PITPNM3: variants seen among roughly 807,000 people sequenced by gnomAD.
PITPNM3 encodes the protein membrane-associated phosphatidylinositol transfer protein 3.
PITPNM3 carries 26 observed loss-of-function variants against 102.0 expected under a neutral mutation model. That is an observed-to-expected ratio of 0.25 (90% CI 0.19 to 0.35). PITPNM3 has a LOEUF of 0.35. Ranked by LOEUF, PITPNM3 falls within the 10% of genes least tolerant of loss-of-function variation. PITPNM3 has a pLI of 1.00. For synonymous variants in PITPNM3, 578 were observed against 558.6 expected, an observed-to-expected ratio of 1.03 and a Z score of -0.49; for missense variants, 1,083 against 1,346.1, an observed-to-expected ratio of 0.80 and a Z score of 3.06.
In PITPNM3 at chr17:6,488,895, G is replaced by A. The variant is rs567987610; in HGVS notation, c.275-4603C>T. On this transcript the variant is annotated intron_variant, in intron 4 of 19. Coordinates refer to ENST00000262483, the MANE Select transcript of PITPNM3 (RefSeq NM_031220.4). ...CTGGGTCCCTGCAGTGCCCAGATTT[G>A]GGGTGGGGGAGCCCACAGCTGTTTT... is the stretch of plus-strand genomic sequence containing the variant. 1.2e-4 allele frequency among the ~76,000 whole-genome samples: 19 copies of A among 152,278 alleles called. No homozygotes were observed. In the South Asian group the frequency reaches 2.7e-3, roughly 22 times the overall value.
At chr17:6,553,838 C>G (rs909319140) in intron 1 of PITPNM3, among the ~76,000 whole-genome samples, 9 of 152,116 alleles carry the variant, frequency 5.9e-5, no homozygotes, top group African/African-American at 2.2e-4. Flanking sequence ...ACCCCGCTCT[C>G]TATGTTCTCC....
At chr17:6,476,039 C>A (rs1332772522) in intron 9 of PITPNM3, among the ~76,000 whole-genome samples, 2 of 152,112 alleles carry the variant, frequency 1.3e-5, no homozygotes, top group African/African-American at 4.8e-5. Flanking sequence ...TTGGAAACAG[C>A]CAAAATGCCT....
chr17:6,504,162 G>A (rs1243119704), intron 3 of PITPNM3, among the ~76,000 whole-genome samples: 6 of 152,086 alleles, frequency 3.9e-5, no homozygotes, highest in Non-Finnish European at 8.8e-5. Context: ...GGCAGAAAGC[G>A]AAGTCACCTC....
intron 12 of PITPNM3, 41 bp downstream of exon 12, chr17:6,471,120 T>G (rs912741110): frequency 1.9e-6 from 3 of 1,606,858 alleles, no homozygotes; most frequent in African/African-American, 2.7e-5. Flanking sequence ...AAGGTTCCCC[T>G]CCCCCGAATC....
chr17:6,485,419 A>C (rs1343645282), intron 4 of PITPNM3, among the ~76,000 whole-genome samples: 2 of 152,042 alleles, frequency 1.3e-5, no homozygotes, highest in African/African-American at 4.8e-5. Context: ...CGGCCTCCCA[A>C]AGTGCTGGGA....
At chr17:6,544,654 T>TCTCTCTCTCTCTCTCACACA (rs376230474) in intron 1 of PITPNM3, among the ~76,000 whole-genome samples, 43 of 130,270 alleles carry the variant, frequency 3.3e-4, no homozygotes, top group African/African-American at 1.3e-3. Context: ...TCTCTCTCTC[T>TCTCTCTCTCTCTCTCACACA]CACACACACA....
In PITPNM3 at chr17:6,519,280, T is replaced by C. The variant is rs964671924; in HGVS notation, c.226+6076A>G. 5.4e-3 allele frequency among the ~76,000 whole-genome samples: 259 copies of C among 47,940 alleles called. 98 individuals are homozygous for C. The highest frequency in any genetic ancestry group is 0.025 in the African/African-American group (251 of 10,194). The allele number at this position is 47,940 out of a possible 152,430, so 31.5% of individuals were successfully genotyped here. On this transcript the variant is annotated intron_variant, in intron 3 of 19. Transcript: ENST00000262483. ...TGAACCCGGGAGGCGGAGCTTGCAG[T>C]GAGCCGAGATTGCGCCACTGCAGTC... is the stretch of plus-strand genomic sequence containing the variant.
intron 17 of PITPNM3, among the ~76,000 whole-genome samples, chr17:6,462,158 G>T (rs1247377677): frequency 6.6e-6 from 1 of 152,206 alleles, no homozygotes; most frequent in Admixed American, 6.5e-5. Context: ...CCACAAGGTT[G>T]TCCTAAAGAC....
At chr17:6,547,677 C>T (rs1380114810) in intron 1 of PITPNM3, among the ~76,000 whole-genome samples, 4 of 152,090 alleles carry the variant, frequency 2.6e-5, no homozygotes, top group South Asian at 2.1e-4. Flanking sequence ...ACCCAGGCAA[C>T]GGGAGGCCAG....
chr17:6,478,532 G>A lies in PITPNM3; in HGVS notation c.777+15C>T. 6.2e-7 allele frequency: 1 copy of A among 1,613,730 alleles called. No homozygotes were observed. Among genetic ancestry groups the A allele is most frequent in the Non-Finnish European group, 8.5e-7 (1 of 1,179,826 alleles). ...AACAGGGGAGGGGAGAGGAGGAGAG[G>A]GCAGGCTGTCCTACCTGCCCACTGA... On this transcript the variant is annotated intron_variant, in intron 7 of 19. Coordinates refer to ENST00000262483, the MANE Select transcript of PITPNM3 (RefSeq NM_031220.4). The surrounding 1 kb of genome is among the most constrained non-coding windows in gnomAD (Gnocchi z 4.4).
chr17:6,470,311 G>A lies in PITPNM3; in HGVS notation c.1722C>T (p.Phe574=). The stretch of plus-strand genomic sequence containing the variant: ...CTGTGGACTCCCAGTAACTGGCGTG[G>A]AAGAGGTGGGGCAGGGCCACGGTGG... ...AFPTVALPHL[F]HASYWESTDV... The change falls in exon 13 of 20, where the codon TTC becomes TTT. Residue 574 remains phenylalanine (F), a synonymous_variant. Coordinates refer to ENST00000262483, the MANE Select transcript of PITPNM3 (RefSeq NM_031220.4). The surrounding 1 kb of genome is among the most constrained non-coding windows in gnomAD (Gnocchi z 4.8). 1.2e-6 allele frequency: 2 copies of A among 1,614,006 alleles called. No homozygotes were observed. Among genetic ancestry groups the A allele is most frequent in the African/African-American group, 1.3e-5 (1 of 75,082 alleles).
At chr17:6,502,510 AGGCTG>A (rs1907247386) in intron 4 of PITPNM3, among the ~76,000 whole-genome samples, 1 of 152,182 alleles carries the variant, frequency 6.6e-6, no homozygotes, top group African/African-American at 2.4e-5. Flanking sequence ...CAGCCACTCA[AGGCTG>A]GGTTCCAGGC....
chr17:6,487,184 G>A (rs926095841), intron 4 of PITPNM3, among the ~76,000 whole-genome samples: 1 of 152,112 alleles, frequency 6.6e-6, no homozygotes, highest in Middle Eastern at 3.2e-3. Context: ...TAAAGCCACG[G>A]ACCCTGGATC....
chr17:6,457,871 T>G lies in PITPNM3; in HGVS notation c.2491-149A>C, dbSNP rs1057201895. 2.2e-5 allele frequency: 27 copies of G among 1,226,678 alleles called. No individual in the cohort carries two copies. Among genetic ancestry groups the G allele is most frequent in the Non-Finnish European group, 2.9e-5 (25 of 873,054 alleles). 76.0% of individuals were successfully genotyped at this position (1,226,678 alleles called of 1,614,324 possible). ...CCATGGGGCCACCCTGTGTCAGGAA[T>G]GAACCCTCAGAGTGGCTGCCCCTCC... On this transcript the variant is annotated intron_variant, in intron 18 of 19. Coordinates refer to ENST00000262483, the MANE Select transcript of PITPNM3 (RefSeq NM_031220.4). The surrounding 1 kb of genome is among the most constrained non-coding windows in gnomAD (Gnocchi z 4.7).
At chr17:6,520,498 T>C (rs1908446427) in intron 3 of PITPNM3, among the ~76,000 whole-genome samples, 1 of 152,204 alleles carries the variant, frequency 6.6e-6, no homozygotes, top group East Asian at 1.9e-4. Flanking sequence ...GATCTTCTGT[T>C]AAATGTGAGG....
In PITPNM3 at chr17:6,484,329, C is replaced by A. The variant is rs1183115252; in HGVS notation, c.275-37G>T. The A allele has an allele frequency of 1.9e-6, 3 of 1,548,686 alleles. No homozygotes were observed. In the Admixed American group the frequency reaches 5.0e-5, roughly 26 times the overall value. On this transcript the variant is annotated intron_variant, in intron 4 of 19. Coordinates refer to ENST00000262483, the MANE Select transcript of PITPNM3 (RefSeq NM_031220.4). ...AAGAGGGGAGCTCAGCATCTCCAGG[C>A]TTCCCTACAGTGACCAGACACTCCC... is the stretch of plus-strand genomic sequence containing the variant.
At chr17:6,481,496 C>A (rs1014995944) in intron 6 of PITPNM3, 7 of 152,242 alleles carry the variant, frequency 4.6e-5, no homozygotes, top group African/African-American at 1.7e-4. Context: ...ACTATGGCTA[C>A]CTTCATTGTA....
intron 3 of PITPNM3, among the ~76,000 whole-genome samples, chr17:6,515,919 G>A (rs1223702035): frequency 1.3e-5 from 2 of 152,156 alleles, no homozygotes; most frequent in Non-Finnish European, 2.9e-5. Context: ...AGTGACATAC[G>A]CATGTAATCC....
chr17:6,532,171 G>A (rs1353254074), intron 2 of PITPNM3, among the ~76,000 whole-genome samples: 1 of 151,238 alleles, frequency 6.6e-6, no homozygotes, highest in Non-Finnish European at 1.5e-5. Context: ...TGTTCCCACT[G>A]TCTAGAACAC....
Sources: allele counts gnomAD v4.1 joint callset (sites outside exome capture counted in the v4.1 genomes callset), GRCh38; gene constraint gnomAD v4.1.1; non-coding constraint Gnocchi (gnomAD v3.1); transcripts MANE v1.5; gene names NCBI Gene and HGNC (gene_info 2026-07-23, HGNC 2026-07-21).